Variants in ACTG1 observed in about 807,000 individuals in gnomAD.
ACTG1 encodes the protein actin, cytoplasmic 2.
A neutral mutation model predicts 34.3 loss-of-function variants in ACTG1; 14 were observed. That is an observed-to-expected ratio of 0.41 (90% CI 0.27 to 0.64). The LOEUF is 0.64. Among genes scored for constraint, ACTG1 ranks in the 30% least tolerant of loss-of-function variants. The pLI is 0.33. For missense variants in ACTG1, 233 were observed against 529.5 expected (o/e 0.44, Z 5.50); for synonymous variants, 422 against 213.9 (o/e 1.97, Z -8.49).
chr17:81,511,851 G>C (rs373830909), intron 3 of ACTG1, 52 bp downstream of exon 3: 278 of 1,611,260 alleles, frequency 1.7e-4, no homozygotes, highest in Middle Eastern at 5.0e-4. Flanking sequence ...AAGCCGGGCA[G>C]AAAATGACTG....
chr17:81,511,818 GA>G (rs1230761340), intron 3 of ACTG1, 84 bp downstream of exon 3: 3 of 1,602,494 alleles, frequency 1.9e-6, no homozygotes, highest in African/African-American at 1.3e-5. Context: ...AACAGCGAAA[GA>G]AACACTTAAA....
chr17:81,511,175 T>C lies in ACTG1; in HGVS notation c.802+13A>G, dbSNP rs782592756. On this transcript the variant is annotated intron_variant, in intron 4 of 5. Transcript: ENST00000573283. ...GGATGTAAGAGTAGAAACCTTTAGC[T>C]CACAACACCTACCCAGGAAGGAAGG... 2 of 1,613,582 alleles carry C rather than the reference T, an allele frequency of 1.2e-6. No homozygotes were observed. Among genetic ancestry groups the C allele is most frequent in the Non-Finnish European group, 8.5e-7 (1 of 1,180,002 alleles).
At position 81,512,263 on chromosome 17, in the gene ACTG1, A is replaced by G. The variant is rs1555667217; in HGVS notation, c.92T>C (p.Phe31Ser). ...FAGDDAPRAV[F>S]PSIVGRPRHQ... ...TCTGGGGCGCCCGACGATGGAAGGA[A>G]ACACGGCTCGGGGAGCGTCGTCCCC... is the stretch of plus-strand genomic sequence containing the variant. The change falls in exon 2 of 6, where the codon TTT (phenylalanine) becomes TCT (serine). Residue 31 changes from phenylalanine to serine, a missense_variant. Coordinates refer to ENST00000573283, the MANE Select transcript of ACTG1 (RefSeq NM_001614.5). 1 of 1,613,760 alleles carries G rather than the reference A, an allele frequency of 6.2e-7. No individual in the cohort carries two copies.
Position 81,512,087 on chromosome 17 carries a change from C to A in ACTG1, c.179G>T (p.Ser60Ile). The change falls in exon 3 of 6, where the codon AGC (serine) becomes ATC (isoleucine). Residue 60 changes from serine (S) to isoleucine (I), a missense_variant. Ser to Ile is a moderately radical substitution (Grantham distance 142, BLOSUM62 -2). Transcript: ENST00000573283. ...CTTCAGGGTCAGGATGCCACGCTTG[C>A]TCTGGGCCTCGTCGCCCACGTAGGA... ...KDSYVGDEAQSKRGILTLKYP... is the reference protein window; with the variant it reads ...KDSYVGDEAQIKRGILTLKYP... 1 of 1,613,954 alleles carries A rather than the reference C, an allele frequency of 6.2e-7. No homozygotes were observed. The highest frequency in any genetic ancestry group is 8.5e-7 in the Non-Finnish European group (1 of 1,180,044).
Position 81,510,503 on chromosome 17 carries a change from C to G in ACTG1, c.*187G>C, listed in dbSNP as rs1555666203. Reference sequence around the variant, plus strand: ...CCAAGGGGAACAGTTAACTTCAATACAAGGTCAAAATCAGCAACAAGTTCT... The same window carrying G: ...CCAAGGGGAACAGTTAACTTCAATAGAAGGTCAAAATCAGCAACAAGTTCT... On this transcript the variant is annotated 3_prime_UTR_variant, in exon 6 of 6. Transcript: ENST00000573283. 2.5e-6 allele frequency: 2 copies of G among 796,132 alleles called. No homozygotes were observed. Among genetic ancestry groups the G allele is most frequent in the Non-Finnish European group, 2.1e-6 (1 of 466,708 alleles). 49.3% of individuals were successfully genotyped at this position (796,132 alleles called of 1,614,324 possible). A position where few individuals can be genotyped will look rare whatever the true frequency, so the allele number is the denominator to read the frequency against.
At position 81,511,978 on chromosome 17, in the gene ACTG1, C is replaced by T; in HGVS notation, c.288G>A (p.Val96=). 2 of 1,614,094 alleles carry T rather than the reference C, an allele frequency of 1.2e-6. No individual in the cohort carries two copies. The highest frequency in any genetic ancestry group is 8.5e-7 in the Non-Finnish European group (1 of 1,180,044). Residue 96 remains valine, a synonymous_variant, in exon 3 of 6, where the codon GTG becomes GTA. Transcript: ENST00000573283. ...WHHTFYNELR[V]APEEHPVLLT... is the part of the protein sequence containing the mutation. ...GCAGCACTGGGTGCTCCTCCGGGGC[C>T]ACGCGCAGCTCGTTGTAGAAGGTGT...
chr17:81,510,765 G>A lies in ACTG1; in HGVS notation c.1053C>T (p.Thr351=), dbSNP rs148267855. The stretch of plus-strand genomic sequence containing the variant: ...GCTTGCTAATCCACATCTGCTGGAA[G>A]GTGGACAGTGAGGCCAGGATGGAGC... ...IGGSILASLS[T]FQQMWISKQE... The change falls in exon 6 of 6, where the codon ACC becomes ACT. Residue 351 remains threonine (T), a synonymous_variant. Transcript: ENST00000573283. 1.2e-5 allele frequency: 20 copies of A among 1,613,910 alleles called. No homozygotes were observed. The highest frequency in any genetic ancestry group is 8.3e-5 in the Admixed American group (5 of 59,996).
rs372748659 is a variant in ACTG1 at position 81,511,558 on chromosome 17, G to A, written c.432C>T (p.Ala144=). 100 of 1,613,866 alleles carry A rather than the reference G, an allele frequency of 6.2e-5. No homozygotes were observed. Among genetic ancestry groups the A allele is most frequent in the Non-Finnish European group, 7.4e-5 (87 of 1,180,024 alleles). Residue 144 remains alanine (A), a synonymous_variant, in exon 4 of 6, where the codon GCC becomes GCT. Transcript: ENST00000573283. ...TGACAATGCCAGTGGTGCGCCCAGA[G>A]GCGTAGAGGGACAGCACGGCCTGGA... ...VAIQAVLSLY[A]SGRTTGIVMD...
At chr17:81,512,534 G>A (rs1201793446) in intron 1 of ACTG1, 174 bp from the exon 2 acceptor site, 23 of 1,077,868 alleles carry the variant, frequency 2.1e-5, no homozygotes, top group African/African-American at 1.1e-4. Context: ...TAACGTCCAC[G>A]GCTCGGAAGT....
intron 5 of ACTG1, 22 bp downstream of exon 5, chr17:81,510,905 G>A (rs1203164673): frequency 1.4e-5 from 22 of 1,613,756 alleles, no homozygotes; most frequent in African/African-American, 1.3e-4. Flanking sequence ...CCAGGCAGAG[G>A]GCCACCAACC....
At chr17:81,511,735 G>C (rs761937946) in intron 3 of ACTG1, 109 bp from the exon 4 acceptor site, 17 of 1,516,778 alleles carry the variant, frequency 1.1e-5, no homozygotes, top group Non-Finnish European at 1.3e-5. Flanking sequence ...GAAAAGAAAA[G>C]AACGCAGGCA....
rs782736611 is a variant in ACTG1, at chr17:81,510,960, G to T, written c.951C>A (p.Ile317=). ...TCATGGTGCTGGGCGCCAGGGCGGT[G>T]ATCTCCTTCTGCATCCTGTCGGCAA... The part of the protein sequence containing the change: ...PGIADRMQKE[I]TALAPSTMKI... The change falls in exon 5 of 6, where the codon ATC becomes ATA. Residue 317 remains isoleucine (I), a synonymous_variant. Transcript: ENST00000573283. 3 of 1,614,110 alleles carry T rather than the reference G, an allele frequency of 1.9e-6. No homozygotes were observed. Among genetic ancestry groups the T allele is most frequent in the Non-Finnish European group, 2.5e-6 (3 of 1,180,022 alleles).
chr17:81,512,593 C>T (rs2031886429), intron 1 of ACTG1, 141 bp downstream of exon 1: 1 of 642,462 alleles, frequency 1.6e-6, no homozygotes, highest in East Asian at 3.0e-5. Context: ...CCCCCCAGCC[C>T]CGTCCGCCTG....
chr17:81,511,737 A>C (rs1555666896), intron 3 of ACTG1, 111 bp from the exon 4 acceptor site: 2 of 1,515,232 alleles, frequency 1.3e-6, no homozygotes, highest in Non-Finnish European at 1.8e-6. Flanking sequence ...AAAGAAAAGA[A>C]CGCAGGCAGA....
rs183520259 is a variant in ACTG1, at chr17:81,510,082, G to T, written c.*608C>A. On this transcript the variant is annotated 3_prime_UTR_variant, in exon 6 of 6. Transcript: ENST00000573283. ...TTTGTTGTCATCTCTTCAAAGAATCGAGAATTGCGTACAAAAAAAACCTTA... is the reference window on the plus strand; with the variant it reads ...TTTGTTGTCATCTCTTCAAAGAATCTAGAATTGCGTACAAAAAAAACCTTA... 3.5e-5 allele frequency: 16 copies of T among 457,400 alleles called. No individual in the cohort carries two copies. In the East Asian group the frequency reaches 1.1e-3, roughly 32 times the overall value. 28.3% of individuals were successfully genotyped at this position (457,400 alleles called of 1,614,324 possible).
chr17:81,510,277 C>T lies in ACTG1; in HGVS notation c.*413G>A, dbSNP rs1178954716. 2 of 501,642 alleles carry T rather than the reference C, an allele frequency of 4.0e-6. No homozygotes were observed. Among genetic ancestry groups the T allele is most frequent in the Non-Finnish European group, 7.2e-6 (2 of 278,082 alleles). 31.1% of individuals were successfully genotyped at this position (501,642 alleles called of 1,614,324 possible). On this transcript the variant is annotated 3_prime_UTR_variant, in exon 6 of 6. Transcript: ENST00000573283. The stretch of plus-strand genomic sequence containing the variant: ...GACCCGCAAGACAAAACAACTGGTT[C>T]TTGCCAGCCTCTAGAGAAATCCCAG...
chr17:81,511,390 G>C lies in ACTG1; in HGVS notation c.600C>G (p.Phe200Leu). Reference protein sequence around the residue: ...MKILTERGYSFTTTAEREIVR... With the variant: ...MKILTERGYSLTTTAEREIVR... ...CGATTTCCCGCTCGGCCGTGGTGGT[G>C]AAGCTGTAGCCTCGCTCAGTGAGGA... The change falls in exon 4 of 6, where the codon TTC becomes TTG. Residue 200 changes from phenylalanine (F) to leucine (L), a missense_variant. Transcript: ENST00000573283. The C allele has an allele frequency of 6.2e-7, 1 of 1,613,974 alleles. No individual in the cohort carries two copies. Among genetic ancestry groups the C allele is most frequent in the Non-Finnish European group, 8.5e-7 (1 of 1,180,038 alleles).
chr17:81,512,523 G>C (rs527352574), intron 1 of ACTG1, 163 bp from the exon 2 acceptor site: 7 of 1,183,578 alleles, frequency 5.9e-6, no homozygotes, highest in Non-Finnish European at 7.3e-6. Flanking sequence ...GGCCTTTTAC[G>C]TAACGTCCAC....
rs550936698 is a variant in ACTG1 at position 81,511,942 on chromosome 17, G to C, written c.324C>G (p.Ala108=). 6 of 1,613,936 alleles carry C rather than the reference G, an allele frequency of 3.7e-6. No individual in the cohort carries two copies. The Admixed American group carries it at 5.0e-5, about 13-fold the overall frequency. Residue 108 remains alanine (A), a synonymous_variant, in exon 3 of 6, where the codon GCC becomes GCG. Transcript: ENST00000573283. ...PEEHPVLLTE[A]PLNPKANREK... is the part of the protein sequence containing the mutation. ...CTCTGTTGGCCTTGGGGTTCAGGGG[G>C]GCCTCGGTCAGCAGCACTGGGTGCT...
Sources: gnomAD v4.1 joint callset for allele counts on GRCh38, gnomAD v4.1.1 for gene constraint, MANE v1.5 for transcripts, NCBI Gene and HGNC (gene_info 2026-07-23, HGNC 2026-07-21) for gene names.